PLEKHM2: variants seen among roughly 807,000 people sequenced by gnomAD.
The protein encoded by PLEKHM2 is pleckstrin homology and RUN domain containing M2.
A neutral mutation model predicts 116.3 loss-of-function variants in PLEKHM2; 77 were observed. That is an observed-to-expected ratio of 0.66 (90% CI 0.55 to 0.80). PLEKHM2 has a LOEUF of 0.80. Among genes scored for constraint, PLEKHM2 ranks in the 30% least tolerant of loss-of-function variants. PLEKHM2 has a pLI of 0.00. For synonymous variants in PLEKHM2, 562 were observed against 571.0 expected, an observed-to-expected ratio of 0.98 and a Z score of 0.22; for missense variants, 1,183 against 1,354.9, an observed-to-expected ratio of 0.87 and a Z score of 1.99.
At chr1:15,689,133 A>G (rs1470908527) in intron 1 of PLEKHM2, among the ~76,000 whole-genome samples, 1 of 151,742 alleles carries the variant, frequency 6.6e-6, no homozygotes, top group Non-Finnish European at 1.5e-5. Context: ...CTGTAATCCC[A>G]GCTACTCGGG....
chr1:15,716,382 C>A (rs1185431269), intron 2 of PLEKHM2, 39 bp downstream of exon 2: 16 of 1,298,458 alleles, frequency 1.2e-5, no homozygotes, highest in Non-Finnish European at 1.7e-5. Flanking sequence ...CGGAGCACAA[C>A]CCAGGCCATG....
chr1:15,695,388 G>A (rs544565604), intron 1 of PLEKHM2, among the ~76,000 whole-genome samples: 81 of 152,298 alleles, frequency 5.3e-4, no homozygotes, highest in Middle Eastern at 3.4e-3. Context: ...AGAGGAAGGG[G>A]AGTAATAAAA....
intron 1 of PLEKHM2, among the ~76,000 whole-genome samples, chr1:15,686,572 C>T (rs539746000): frequency 2.0e-5 from 3 of 151,168 alleles, no homozygotes; most frequent in African/African-American, 7.3e-5. Context: ...CCTCCACCTC[C>T]CAGGTTCAAG....
Position 15,707,104 on chromosome 1 carries a change from C to CA in PLEKHM2, c.61-9121dup, listed in dbSNP as rs35371488. ...GCGGTCTCTGAGACAAACTCCGTCT[C>CA]AAAAAAAAAAAAGAGTGCTTAAAGT... On this transcript the variant is annotated intron_variant, in intron 1 of 19. Coordinates refer to ENST00000375799, the MANE Select transcript of PLEKHM2 (RefSeq NM_015164.4). Among the ~76,000 whole-genome samples the CA allele has an allele frequency of 1.5e-3, 213 of 144,454 alleles. 2 individuals are homozygous for CA. In the East Asian group the frequency reaches 0.025, roughly 17 times the overall value. The allele number at this position is 144,454 out of a possible 152,430, so 94.8% of individuals were successfully genotyped here. A position where few individuals can be genotyped will look rare whatever the true frequency, so the allele number is the denominator to read the frequency against.
intron 17 of PLEKHM2, 93 bp from the exon 18 acceptor site, chr1:15,732,257 A>G (rs1478282018): frequency 1.8e-6 from 2 of 1,130,078 alleles, no homozygotes; most frequent in Non-Finnish European, 2.5e-6. Flanking sequence ...CTGGAGGGAG[A>G]GCAGAAGGGC....
At chr1:15,716,865 G>A in intron 3 of PLEKHM2, 49 bp downstream of exon 3, 1 of 1,547,114 alleles carries the variant, frequency 6.5e-7, no homozygotes, top group Non-Finnish European at 8.7e-7. Context: ...TCCACCTTCG[G>A]TGGGTAGCTT....
intron 1 of PLEKHM2, among the ~76,000 whole-genome samples, chr1:15,711,363 C>T (rs903566085): frequency 4.6e-5 from 7 of 151,978 alleles, no homozygotes; most frequent in Non-Finnish European, 8.8e-5. Flanking sequence ...TGCCTGTAAT[C>T]CCCACACTTT....
At position 15,729,122 on chromosome 1, in the gene PLEKHM2, G is replaced by T; in HGVS notation, c.2007G>T (p.Thr669=). ...DYVSVGLDQQ[T]VKLVCTNRRK... is the part of the protein sequence containing the mutation. ...GGCAGGTTGGCCTTGACCAGCAGACGGTGAAGCTGGTGTGCACCAACCGCA... is the reference window on the plus strand; with the variant it reads ...GGCAGGTTGGCCTTGACCAGCAGACTGTGAAGCTGGTGTGCACCAACCGCA... Residue 669 remains threonine, a synonymous_variant, in exon 13 of 20, where the codon ACG becomes ACT. Coordinates refer to ENST00000375799, the MANE Select transcript of PLEKHM2 (RefSeq NM_015164.4). This position sits in a 1 kb window ranked among gnomAD's most constrained non-coding sequence, Gnocchi z 4.7. 2.5e-6 allele frequency: 4 copies of T among 1,610,658 alleles called. No homozygotes were observed. Among genetic ancestry groups the T allele is most frequent in the East Asian group, 4.5e-5 (2 of 44,740 alleles).
chr1:15,711,032 G>A (rs1346392528), intron 1 of PLEKHM2, among the ~76,000 whole-genome samples: 2 of 151,612 alleles, frequency 1.3e-5, no homozygotes, highest in Non-Finnish European at 2.9e-5. Flanking sequence ...ATATAAAGCT[G>A]GATCCTTACC....
rs1318082110 is a variant in PLEKHM2, at chr1:15,718,625, G to C, written c.465G>C (p.Leu155=). ...GLEFIRFELD[L]DAPYLDLAPY... ...AGTTCATTCGTTTCGAGCTGGATCT[G>C]GTGAGACACCAGGGCTCTCACTGCT... is the stretch of plus-strand genomic sequence containing the variant. The change falls in exon 5 of 20, where the codon CTG becomes CTC. Residue 155 remains leucine (L), a splice_region_variant and synonymous_variant. Transcript: ENST00000375799. 6.4e-7 allele frequency: 1 copy of C among 1,551,576 alleles called. No individual in the cohort carries two copies. The highest frequency in any genetic ancestry group is 1.2e-5 in the South Asian group (1 of 84,734).
rs1436625055 is a variant in PLEKHM2, at chr1:15,728,358, G to A, written c.1921+1G>A. On this transcript the variant is annotated splice_donor_variant, in intron 11 of 19. Transcript: ENST00000375799. LOFTEE classifies it high-confidence loss of function. The surrounding 1 kb of genome is among the most constrained non-coding windows in gnomAD (Gnocchi z 5.9). ...TGCTATGTCTACCTGCTCCGGAAAG[G>A]TGCCCGCCGCCCCCGGGCAGACAGC... is the stretch of plus-strand genomic sequence containing the variant. 2.5e-6 allele frequency: 4 copies of A among 1,611,760 alleles called. No individual in the cohort carries two copies. The highest frequency in any genetic ancestry group is 3.4e-6 in the Non-Finnish European group (4 of 1,179,138).
Position 15,730,635 on chromosome 1 carries a change from C to T in PLEKHM2, c.2312C>T (p.Thr771Ile). Residue 771 changes from threonine to isoleucine, a missense_variant, in exon 15 of 20, where the codon ACC (threonine) becomes ATC (isoleucine). By Grantham distance (89) the Thr-to-Ile change is moderately conservative. This residue lies in a region of PLEKHM2 where 594 missense variants were observed against 720.1 expected (regional missense o/e 0.82). Coordinates refer to ENST00000375799, the MANE Select transcript of PLEKHM2 (RefSeq NM_015164.4). The stretch of plus-strand genomic sequence containing the variant: ...TGCCACTGCTCACCCCCCGAGGGCA[C>T]CATCACCAAAGAAGGCATGCTGCAC... ...TPCHCSPPEG[T>I]ITKEGMLHYK... 1 of 1,609,544 alleles carries T rather than the reference C, an allele frequency of 6.2e-7. No individual in the cohort carries two copies. The highest frequency in any genetic ancestry group is 8.5e-7 in the Non-Finnish European group (1 of 1,178,280).
chr1:15,725,592 C>A, intron 8 of PLEKHM2, 47 bp downstream of exon 8: 1 of 1,307,752 alleles, frequency 7.6e-7, no homozygotes, highest in Non-Finnish European at 1.1e-6. Flanking sequence ...TGGGGTCCAA[C>A]CTGTCCACTC....
chr1:15,693,968 C>T (rs1401073322), intron 1 of PLEKHM2, among the ~76,000 whole-genome samples: 1 of 152,156 alleles, frequency 6.6e-6, no homozygotes, highest in Non-Finnish European at 1.5e-5. Context: ...GAGTGTGTTG[C>T]TGCTGGAGCT....
Position 15,684,516 on chromosome 1 carries a change from C to CGGCGG in PLEKHM2, c.-42_-38dup, listed in dbSNP as rs1171131059. 4.2e-5 allele frequency: 45 copies of CGGCGG among 1,078,476 alleles called. No individual in the cohort carries two copies. The highest frequency in any genetic ancestry group is 4.9e-5 in the Non-Finnish European group (43 of 879,450). The allele number at this position is 1,078,476 out of a possible 1,614,324, so 66.8% of individuals were successfully genotyped here. A position where few individuals can be genotyped will look rare whatever the true frequency, so the allele number is the denominator to read the frequency against. On this transcript the variant is annotated 5_prime_UTR_variant, in exon 1 of 20. Coordinates refer to ENST00000375799, the MANE Select transcript of PLEKHM2 (RefSeq NM_015164.4). ...GGCGCGGGAAGCGGCGGCGGGGCGG[C>CGGCGG]GGCGGCGGTGGCGGTGGCGGTGGCG... is the stretch of plus-strand genomic sequence containing the variant.
rs574760177 is a variant in PLEKHM2, at chr1:15,710,099, C to T, written c.61-6138C>T. ...AAAATTAGCTGGGCATGGTGGCGGG[C>T]GCCTGTAGTCCCAGCTACTCGGGAG... On this transcript the variant is annotated intron_variant, in intron 1 of 19. Transcript: ENST00000375799. Among the ~76,000 whole-genome samples the T allele has an allele frequency of 4.3e-3, 655 of 151,198 alleles. 4 individuals are homozygous for T. Among genetic ancestry groups the T allele is most frequent in the Middle Eastern group, 0.01 (3 of 294 alleles).
chr1:15,681,733 T>C (rs189049418), upstream of PLEKHM2, among the ~76,000 whole-genome samples: 4 of 152,356 alleles, frequency 2.6e-5, no homozygotes, highest in East Asian at 1.9e-4. Flanking sequence ...CATAGATACC[T>C]GGCTATTTAT....
chr1:15,700,480 G>A (rs1641088650), intron 1 of PLEKHM2, among the ~76,000 whole-genome samples: 1 of 152,134 alleles, frequency 6.6e-6, no homozygotes, highest in Non-Finnish European at 1.5e-5. Flanking sequence ...CTGGGCTCCG[G>A]TCTCCCTGCC....
At position 15,729,656 on chromosome 1, in the gene PLEKHM2, GC is replaced by G; in HGVS notation, c.2076-139del. On this transcript the variant is annotated intron_variant, in intron 13 of 19. Transcript: ENST00000375799. The surrounding 1 kb of genome is among the most constrained non-coding windows in gnomAD (Gnocchi z 4.7). Reference sequence around the variant, plus strand: ...TTGGACCTGCGTCATTGCCGCACCTGCCGCCCTGGTCACTGGGTCTAGCCAG... The same window carrying G: ...TTGGACCTGCGTCATTGCCGCACCTGCGCCCTGGTCACTGGGTCTAGCCAG... 1 of 693,878 alleles carries G rather than the reference GC, an allele frequency of 1.4e-6. No homozygotes were observed. Among genetic ancestry groups the G allele is most frequent in the East Asian group, 2.6e-5 (1 of 38,754 alleles). The allele number at this position is 693,878 out of a possible 1,614,324, so 43.0% of individuals were successfully genotyped here. A position where few individuals can be genotyped will look rare whatever the true frequency, so the allele number is the denominator to read the frequency against.
Sources: allele counts gnomAD v4.1 joint callset (sites outside exome capture counted in the v4.1 genomes callset), GRCh38; gene constraint gnomAD v4.1.1; regional missense constraint gnomAD v4.1.1; non-coding constraint Gnocchi (gnomAD v3.1); transcripts MANE v1.5; gene names NCBI Gene and HGNC (gene_info 2026-07-23, HGNC 2026-07-21).